The following RBM24 variants were observed in gnomAD, a reference collection of about 807,000 sequenced individuals.
RBM24 encodes the protein RNA-binding protein 24.
Under a neutral mutation model 23.6 loss-of-function variants are expected in RBM24, and 5 were observed. That is an observed-to-expected ratio of 0.21 (90% confidence interval 0.11 to 0.45). The LOEUF is 0.45. Among genes scored for constraint, RBM24 ranks in the 20% least tolerant of loss-of-function variants. The pLI, the probability that RBM24 is intolerant of heterozygous loss-of-function variation, is 0.99. For missense variants in RBM24, 252 were observed against 314.6 expected (o/e 0.80, Z 1.51); for synonymous variants, 151 against 129.5 (o/e 1.17, Z -1.13).
chr6:17,290,719 A>G (rs1428667509), intron 3 of RBM24: 13 of 532,798 alleles, frequency 2.4e-5, no homozygotes, highest in African/African-American at 8.0e-5. Context: ...GATGTGCAAA[A>G]AAAGTTTCCT....
At chr6:17,285,585 C>A (rs1760171058) in intron 3 of RBM24, among the ~76,000 whole-genome samples, 1 of 152,160 alleles carries the variant, frequency 6.6e-6, no homozygotes, top group African/African-American at 2.4e-5. Flanking sequence ...GGGGTTCTTT[C>A]TTTTGCAATG....
intron 3 of RBM24, chr6:17,288,908 G>A (rs749541827): frequency 6.4e-5 from 63 of 985,312 alleles, no homozygotes; most frequent in Non-Finnish European, 7.2e-5. Context: ...TTGAGCAAAT[G>A]AATGAGATGG....
In RBM24 at chr6:17,281,556, G is replaced by T. The variant is rs1357842671; in HGVS notation, c.-26G>T. 6.7e-7 allele frequency: 1 copy of T among 1,486,880 alleles called. No individual in the cohort carries two copies. The highest frequency in any genetic ancestry group is 8.9e-7 in the Non-Finnish European group (1 of 1,118,504). 92.1% of individuals were successfully genotyped at this position (1,486,880 alleles called of 1,614,324 possible). ...TGCCCGAGCCGCAGCCGCAGCCGGA[G>T]CCCGAGCCGCGGGGCGGGTGCGAAG... On this transcript the variant is annotated 5_prime_UTR_variant, in exon 1 of 4. Transcript: ENST00000379052. This position sits in a 1 kb window ranked among gnomAD's most constrained non-coding sequence, Gnocchi z 7.1.
intron 3 of RBM24, among the ~76,000 whole-genome samples, chr6:17,287,776 T>G (rs947139073): frequency 6.6e-6 from 1 of 151,502 alleles, no homozygotes; most frequent in Non-Finnish European, 1.5e-5. Flanking sequence ...GCCACTGCAC[T>G]CCAGCCTGGG....
In RBM24 at chr6:17,292,035, T is replaced by TGCCGCC; in HGVS notation, c.633_638dup (p.Ala220_Ala221dup). ...TCACCGCAGCGGCACCTGGGACAGC[T>TGCCGCC]GCCGCCGCCGCTGCAGCAGCTGCTG... On this transcript the variant is annotated inframe_insertion, in exon 4 of 4. Transcript: ENST00000379052. The TGCCGCC allele has an allele frequency of 6.3e-7, 1 of 1,598,436 alleles. No individual in the cohort carries two copies. Among genetic ancestry groups the TGCCGCC allele is most frequent in the South Asian group, 1.1e-5 (1 of 90,858 alleles).
At chr6:17,290,722 A>T in intron 3 of RBM24, 1 of 537,890 alleles carries the variant, frequency 1.9e-6, no homozygotes, top group Admixed American at 3.0e-5. Context: ...GTGCAAAAAA[A>T]GTTTCCTTGT....
chr6:17,286,470 A>C (rs973804977), intron 3 of RBM24, among the ~76,000 whole-genome samples: 2 of 152,200 alleles, frequency 1.3e-5, no homozygotes, highest in African/African-American at 2.4e-5. Context: ...TGAATCAATC[A>C]ACAGGTAGTT....
At chr6:17,286,011 C>A (rs1202354799) in intron 3 of RBM24, among the ~76,000 whole-genome samples, 2 of 152,038 alleles carry the variant, frequency 1.3e-5, no homozygotes, top group Non-Finnish European at 2.9e-5. Context: ...ACCTGTGTAA[C>A]CTGGAAGGCT....
chr6:17,283,885 TTG>T (rs1318662798), intron 2 of RBM24, among the ~76,000 whole-genome samples: 1 of 152,202 alleles, frequency 6.6e-6, no homozygotes, highest in Non-Finnish European at 1.5e-5. Flanking sequence ...GAGCAGTTTT[TTG>T]TCTATGGGAA....
chr6:17,282,224 G>A, intron 1 of RBM24: 3 of 1,291,064 alleles, frequency 2.3e-6, no homozygotes, highest in Non-Finnish European at 3.0e-6. Context: ...GCAAAGGTAG[G>A]TTCTTTTAAA....
At position 17,291,770 on chromosome 6, in the gene RBM24, A is replaced by G. The variant is rs374301178; in HGVS notation, c.362A>G (p.Tyr121Cys). 6.8e-6 allele frequency: 11 copies of G among 1,610,066 alleles called. No homozygotes were observed. The South Asian group carries it at 8.8e-5, about 13-fold the overall frequency. Residue 121 changes from tyrosine to cysteine, a missense_variant, in exon 4 of 4, where the codon TAT (tyrosine) becomes TGT (cysteine). Coordinates refer to ENST00000379052, the MANE Select transcript of RBM24 (RefSeq NM_001143942.2). The stretch of plus-strand genomic sequence containing the variant: ...TTTCTCAACAGGATACCTGCCCACT[A>G]TGTCTATCCGCAGGCTTTTGTGCAG... ...IQRPFGIPAH[Y>C]VYPQAFVQPG...
At chr6:17,290,789 T>C in intron 3 of RBM24, 1 of 1,080,840 alleles carries the variant, frequency 9.3e-7, no homozygotes, top group Non-Finnish European at 1.3e-6. Flanking sequence ...TACTTCCCTG[T>C]CCTGCCTTTT....
In RBM24 at chr6:17,288,252, T is replaced by C. The variant is rs1345750056; in HGVS notation, c.348-3504T>C. ...CAAAAGACAAAACTCTATTCTCTCA[T>C]AATCCAGTAAGAAAGCCGATAAGCA... On this transcript the variant is annotated intron_variant, in intron 3 of 3. Coordinates refer to ENST00000379052, the MANE Select transcript of RBM24 (RefSeq NM_001143942.2). The C allele has an allele frequency of 7.1e-6, 7 of 985,252 alleles. No homozygotes were observed. The African/African-American group carries it at 1.2e-4, about 17-fold the overall frequency. The allele number at this position is 985,252 out of a possible 1,614,324, so 61.0% of individuals were successfully genotyped here.
chr6:17,287,938 T>C (rs1377425495), intron 3 of RBM24, among the ~76,000 whole-genome samples: 1 of 152,206 alleles, frequency 6.6e-6, no homozygotes, highest in Non-Finnish European at 1.5e-5. Flanking sequence ...GCTTAGTTTT[T>C]ATAGTGTCCA....
At chr6:17,290,811 A>G in intron 3 of RBM24, 1 of 1,272,270 alleles carries the variant, frequency 7.9e-7, no homozygotes, top group East Asian at 5.6e-5. Context: ...CCTCAACCTC[A>G]TCATTTCCCC....
chr6:17,286,517 G>A (rs1464895913), intron 3 of RBM24, among the ~76,000 whole-genome samples: 1 of 152,168 alleles, frequency 6.6e-6, no homozygotes, highest in Non-Finnish European at 1.5e-5. Context: ...AGTGGGTGAT[G>A]CAAAATGAGG....
chr6:17,285,214 A>G (rs1232310893), intron 3 of RBM24: 1 of 152,302 alleles, frequency 6.6e-6, no homozygotes, highest in Non-Finnish European at 1.5e-5. Context: ...ATTTTTCACA[A>G]TAGTCAATAG....
chr6:17,282,720 A>T, intron 1 of RBM24, 85 bp from the exon 2 acceptor site: 4 of 1,559,128 alleles, frequency 2.6e-6, no homozygotes, highest in Non-Finnish European at 3.5e-6. Flanking sequence ...TTTATCATGA[A>T]TGACTTCTCC....
chr6:17,291,848 C>A lies in RBM24; in HGVS notation c.440C>A (p.Thr147Asn). ...VQPTAAAAST[T>N]PYIDYTGAAY... ...CCGACAGCAGCTGCCGCCTCCACCA[C>A]CCCTTACATTGATTACACTGGAGCT... The change falls in exon 4 of 4, where the codon ACC becomes AAC. Residue 147 changes from threonine to asparagine, a missense_variant. Transcript: ENST00000379052. The A allele has an allele frequency of 6.2e-7, 1 of 1,614,138 alleles. No homozygotes were observed. The highest frequency in any genetic ancestry group is 1.1e-5 in the South Asian group (1 of 91,078).
Sources: gnomAD v4.1 joint callset for allele counts (sites outside exome capture counted in the v4.1 genomes callset) on GRCh38, gnomAD v4.1.1 for gene constraint, Gnocchi (gnomAD v3.1) non-coding constraint, MANE v1.5 for transcripts, NCBI Gene and HGNC (gene_info 2026-07-23, HGNC 2026-07-21) for gene names.